Variants in TMEM175 observed in about 807,000 individuals in gnomAD.
TMEM175 encodes endosomal/lysosomal proton channel TMEM175.
Under a neutral mutation model 36.5 loss-of-function variants are expected in TMEM175, and 36 were observed. The observed-to-expected ratio is 0.99, with a 90% confidence interval of 0.76 to 1.30. The LOEUF (loss-of-function observed/expected upper bound fraction) is 1.30. Ranked by LOEUF, TMEM175 falls within the 50% of genes most tolerant of loss-of-function variation. The pLI is 0.00. For synonymous variants in TMEM175, 339 were observed against 313.4 expected (o/e 1.08, Z -0.86); for missense variants, 705 against 692.8 (o/e 1.02, Z -0.20).
At chr4:950,280 T>A in intron 3 of TMEM175, 141 bp from the exon 4 acceptor site, 1 of 661,490 alleles carries the variant, frequency 1.5e-6, no homozygotes, top group Non-Finnish European at 2.7e-6. Context: ...GCCAGGACCC[T>A]CCCAGGTGCC....
intron 1 of TMEM175, among the ~76,000 whole-genome samples, chr4:944,470 C>A (rs1727887783): frequency 6.6e-6 from 1 of 152,094 alleles, no homozygotes; most frequent in Non-Finnish European, 1.5e-5. Flanking sequence ...TAAGAAGTAA[C>A]CTGGGCATAG....
rs933809434 is a variant in TMEM175, at chr4:948,341, C to T, written c.192+187C>T. 3.3e-6 allele frequency: 5 copies of T among 1,536,726 alleles called. No individual in the cohort carries two copies. In the African/African-American group the frequency reaches 4.1e-5, roughly 13 times the overall value. On this transcript the variant is annotated intron_variant, in intron 3 of 10. Coordinates refer to ENST00000264771, the MANE Select transcript of TMEM175 (RefSeq NM_032326.4). The stretch of plus-strand genomic sequence containing the variant: ...ACAAGTCCTGCTCAGCCTGTGCTCA[C>T]CCCGGCGGAGGTCCTGGCCTCCTGG...
intron 1 of TMEM175, among the ~76,000 whole-genome samples, chr4:939,223 T>C (rs745697988): frequency 2.6e-5 from 4 of 152,212 alleles, no homozygotes; most frequent in Non-Finnish European, 4.4e-5. Flanking sequence ...AAGTAGTTCA[T>C]TGGAGAAAGA....
rs1386614390 is a variant in TMEM175, at chr4:947,796, A to G, written c.57A>G (p.Pro19=). Residue 19 remains proline, a synonymous_variant, in exon 2 of 11, where the codon CCA becomes CCG. Coordinates refer to ENST00000264771, the MANE Select transcript of TMEM175 (RefSeq NM_032326.4). ...QALDTPGDCP[P]GRRDEDAGEG... ...TGGATACACCGGGGGACTGCCCCCC[A>G]GGCAGGAGAGACGAGGACGCTGGGG... 2 of 1,612,966 alleles carry G rather than the reference A, an allele frequency of 1.2e-6. No individual in the cohort carries two copies. Among genetic ancestry groups the G allele is most frequent in the African/African-American group, 2.7e-5 (2 of 74,944 alleles).
In TMEM175 at chr4:957,997, G is replaced by A. The variant is rs780588853; in HGVS notation, c.1016G>A (p.Arg339Gln). 2.9e-5 allele frequency: 46 copies of A among 1,612,608 alleles called. No homozygotes were observed. The highest frequency in any genetic ancestry group is 1.9e-4 in the African/African-American group (14 of 74,948). Residue 339 changes from arginine (R) to glutamine (Q), a missense_variant, in exon 11 of 11, where the codon CGG (arginine) becomes CAG (glutamine). By Grantham distance (43) the Arg-to-Gln change is conservative. Transcript: ENST00000264771. ...TTCCTGCATGTGCGCAAGGCCACGC[G>A]GGCCATGGGGCTGCTGAACACGCTC... The part of the protein sequence containing the change: ...SLFLHVRKAT[R>Q]AMGLLNTLSL...
intron 1 of TMEM175, among the ~76,000 whole-genome samples, chr4:935,207 C>T (rs990672263): frequency 4.6e-5 from 7 of 152,136 alleles, no homozygotes; most frequent in South Asian, 2.1e-4. Context: ...ACTTATCTTA[C>T]GAATATTTCT....
chr4:951,344 C>G, intron 5 of TMEM175, 86 bp downstream of exon 5: 1 of 1,449,108 alleles, frequency 6.9e-7, no homozygotes, highest in Non-Finnish European at 9.7e-7. Flanking sequence ...CAGCCGGCCT[C>G]TCTCGTGACC....
At chr4:948,255 C>T in intron 3 of TMEM175, 101 bp downstream of exon 3, 3 of 1,607,474 alleles carry the variant, frequency 1.9e-6, no homozygotes, top group East Asian at 2.2e-5. Flanking sequence ...CGCCTCGAAG[C>T]TTCTGAGGCT....
At position 955,620 on chromosome 4, in the gene TMEM175, C is replaced by T. The variant is rs115926198; in HGVS notation, c.707-135C>T. On this transcript the variant is annotated intron_variant, in intron 9 of 10. Transcript: ENST00000264771. ...GCTGGGGCTCCCCCACTCCGCCCCT[C>T]GGGCGTCCCTGTCCTGTCTCCTCTC... The T allele has an allele frequency of 1.5e-3, 2,170 of 1,455,714 alleles. 18 individuals carry two copies. The African/African-American group carries it at 0.026, about 18-fold the overall frequency. The allele number at this position is 1,455,714 out of a possible 1,614,324, so 90.2% of individuals were successfully genotyped here. A position where few individuals can be genotyped will look rare whatever the true frequency, so the allele number is the denominator to read the frequency against.
intron 1 of TMEM175, among the ~76,000 whole-genome samples, chr4:944,494 C>T (rs545899652): frequency 1.3e-5 from 2 of 152,124 alleles, no homozygotes; most frequent in African/African-American, 2.4e-5. Context: ...AAAAGCCCCC[C>T]ACCTGCTCCC....
At chr4:957,138 C>A (rs1729772797) in intron 10 of TMEM175, among the ~76,000 whole-genome samples, 1 of 152,248 alleles carries the variant, frequency 6.6e-6, no homozygotes, top group Non-Finnish European at 1.5e-5. Context: ...CCTGCCCTTG[C>A]TGCCTCCAGT....
At chr4:949,891 C>T (rs781354496) in intron 3 of TMEM175, among the ~76,000 whole-genome samples, 8 of 152,132 alleles carry the variant, frequency 5.3e-5, no homozygotes, top group African/African-American at 1.2e-4. Flanking sequence ...TTCCGAAGTC[C>T]GCATGCCGGA....
intron 1 of TMEM175, among the ~76,000 whole-genome samples, chr4:947,245 G>A (rs1728292511): frequency 1.4e-5 from 2 of 145,624 alleles, no homozygotes; most frequent in Admixed American, 6.8e-5. Context: ...CACGGGCCCC[G>A]AGAGCGAGAG....
At chr4:940,876 T>G (rs541098492) in intron 1 of TMEM175, among the ~76,000 whole-genome samples, 10 of 151,294 alleles carry the variant, frequency 6.6e-5, no homozygotes, top group East Asian at 3.9e-4. Context: ...CGTGGTGGCG[T>G]GTGCCTGTAA....
intron 8 of TMEM175, 59 bp downstream of exon 8, chr4:953,413 T>G: frequency 6.5e-7 from 1 of 1,530,354 alleles, no homozygotes; most frequent in Non-Finnish European, 8.8e-7. Context: ...ATAGGAGCAA[T>G]GTCCCCGCTG....
At chr4:952,025 C>T (rs910770751) in intron 6 of TMEM175, 5 of 583,066 alleles carry the variant, frequency 8.6e-6, no homozygotes, top group Admixed American at 3.0e-5. Context: ...TCCGACCACC[C>T]GCCCTGTACT....
At chr4:941,188 C>T (rs947225243) in intron 1 of TMEM175, among the ~76,000 whole-genome samples, 41 of 150,496 alleles carry the variant, frequency 2.7e-4, no homozygotes, top group Admixed American at 5.9e-4. Flanking sequence ...CCATCCTGGC[C>T]AACATGGTGA....
At position 953,359 on chromosome 4, in the gene TMEM175, G is replaced by A. The variant is rs753691831; in HGVS notation, c.627+5G>A. On this transcript the variant is annotated splice_donor_5th_base_variant and intron_variant, in intron 8 of 10. Coordinates refer to ENST00000264771, the MANE Select transcript of TMEM175 (RefSeq NM_032326.4). ...TCTCTCTTCTTTGTCCCCTTGGTGAGTGCTGGGACAGCCCGTGGGGCCCAG... is the reference window on the plus strand; with the variant it reads ...TCTCTCTTCTTTGTCCCCTTGGTGAATGCTGGGACAGCCCGTGGGGCCCAG... The A allele has an allele frequency of 1.9e-6, 3 of 1,599,992 alleles. No homozygotes were observed. Among genetic ancestry groups the A allele is most frequent in the Non-Finnish European group, 2.6e-6 (3 of 1,171,594 alleles).
intron 1 of TMEM175, among the ~76,000 whole-genome samples, chr4:941,017 A>AATG (rs1166485406): frequency 3.1e-5 from 3 of 96,476 alleles, no homozygotes; most frequent in Non-Finnish European, 4.9e-5. Flanking sequence ...AAATAATAAT[A>AATG]ATAATAATAA....
Sources: allele counts gnomAD v4.1 joint callset (sites outside exome capture counted in the v4.1 genomes callset), GRCh38; gene constraint gnomAD v4.1.1; transcripts MANE v1.5; gene names NCBI Gene and HGNC (gene_info 2026-07-23, HGNC 2026-07-21).